Variants in MYO1B observed in about 807,000 individuals in gnomAD.
The protein encoded by MYO1B is unconventional myosin-Ib.
MYO1B carries 72 observed loss-of-function variants against 159.7 expected under a neutral mutation model. The observed-to-expected ratio is 0.45, with a 90% CI of 0.37 to 0.55. The LOEUF is 0.55. Ranked by LOEUF, MYO1B falls within the 20% of genes least tolerant of loss-of-function variation. The pLI, the probability that MYO1B is intolerant of heterozygous loss-of-function variation, is 0.00. For missense variants in MYO1B, 1,062 were observed against 1,364.8 expected, an observed-to-expected ratio of 0.78 and a Z score of 3.50; for synonymous variants, 468 against 473.8, an observed-to-expected ratio of 0.99 and a Z score of 0.16.
In MYO1B at chr2:191,393,104, G is replaced by A. The variant is rs765685451; in HGVS notation, c.2108G>A (p.Arg703His). ...AAATTAGAAGACCTGAGGAAGCAAC[G>A]CCTGGAGGACTTGGCCACTCTCATT... is the stretch of plus-strand genomic sequence containing the variant. ...LFKLEDLRKQ[R>H]LEDLATLIQK... is the part of the protein sequence containing the mutation. Residue 703 changes from arginine (R) to histidine (H), a missense_variant, in exon 20 of 31, where the codon CGC (arginine) becomes CAC (histidine). Coordinates refer to ENST00000392318, the MANE Select transcript of MYO1B (RefSeq NM_001130158.3). 13 of 1,613,534 alleles carry A rather than the reference G, an allele frequency of 8.1e-6. No homozygotes were observed. Among genetic ancestry groups the A allele is most frequent in the Middle Eastern group, 1.6e-4 (1 of 6,082 alleles).
chr2:191,325,881 A>G (rs1691028217), intron 3 of MYO1B, among the ~76,000 whole-genome samples: 1 of 152,096 alleles, frequency 6.6e-6, no homozygotes, highest in Non-Finnish European at 1.5e-5. Flanking sequence ...TAAAACCTAA[A>G]AGTGATAGAT....
At position 191,387,193 on chromosome 2, in the gene MYO1B, C is replaced by T. The variant is rs1306905299; in HGVS notation, c.1555-31C>T. ...GTTTGACATTATAGCATGCAATGTG[C>T]CTGTCATTGAGTTACATGTGCTGCT... On this transcript the variant is annotated intron_variant, in intron 16 of 30. Transcript: ENST00000392318. 3.8e-6 allele frequency: 6 copies of T among 1,582,594 alleles called. No individual in the cohort carries two copies. In the Admixed American group the frequency reaches 6.8e-5, roughly 18 times the overall value.
chr2:191,376,837 C>T (rs774340343), intron 13 of MYO1B, among the ~76,000 whole-genome samples: 1 of 152,028 alleles, frequency 6.6e-6, no homozygotes, highest in Non-Finnish European at 1.5e-5. Flanking sequence ...TTTAAAGAGC[C>T]TAAGAGTTTT....
At chr2:191,343,333 T>C (rs977623867) in intron 5 of MYO1B, among the ~76,000 whole-genome samples, 2 of 152,184 alleles carry the variant, frequency 1.3e-5, no homozygotes, top group African/African-American at 4.8e-5. Context: ...TTGTCGTTTG[T>C]ACTCAGGCTC....
intron 1 of MYO1B, among the ~76,000 whole-genome samples, chr2:191,250,371 A>G (rs1028219145): frequency 1.4e-4 from 21 of 152,156 alleles, no homozygotes; most frequent in Non-Finnish European, 4.4e-5. Context: ...ATGATATATA[A>G]ACTACCATTC....
chr2:191,334,198 G>T (rs1691678259), intron 4 of MYO1B, among the ~76,000 whole-genome samples: 6 of 151,142 alleles, frequency 4.0e-5, no homozygotes, highest in Admixed American at 1.3e-4. Context: ...TCATTGTTTT[G>T]ATGGGTCTTG....
chr2:191,340,621 G>A (rs1038897081), intron 4 of MYO1B, among the ~76,000 whole-genome samples: 3 of 152,136 alleles, frequency 2.0e-5, no homozygotes, highest in African/African-American at 7.2e-5. Flanking sequence ...TCTGGAAAAG[G>A]CTGCGTTTTT....
rs1270653765 is a variant in MYO1B at position 191,293,785 on chromosome 2, A to G, written c.136-2326A>G. 3.3e-5 allele frequency among the ~76,000 whole-genome samples: 5 copies of G among 152,276 alleles called. No homozygotes were observed. The East Asian group carries it at 7.7e-4, about 24-fold the overall frequency. Reference sequence around the variant, plus strand: ...CCTCCTACCTCATCCTGTGATGTAGAATGCATAATCATCTGGGAATGCAGC... The same window carrying G: ...CCTCCTACCTCATCCTGTGATGTAGGATGCATAATCATCTGGGAATGCAGC... On this transcript the variant is annotated intron_variant, in intron 2 of 30. Coordinates refer to ENST00000392318, the MANE Select transcript of MYO1B (RefSeq NM_001130158.3).
chr2:191,333,204 T>A (rs1320746000), intron 4 of MYO1B, among the ~76,000 whole-genome samples: 1 of 152,154 alleles, frequency 6.6e-6, no homozygotes, highest in Non-Finnish European at 1.5e-5. Flanking sequence ...TATTTTCCAG[T>A]AACGTTAATG....
chr2:191,362,386 T>G lies in MYO1B; in HGVS notation c.765+15T>G. On this transcript the variant is annotated intron_variant, in intron 9 of 30. Transcript: ENST00000392318. Reference sequence around the variant, plus strand: ...GAACCGTGCGGGTAAGATGTAGTACTTTCATCAAGCTTTAAATTGCATACC... The same window carrying G: ...GAACCGTGCGGGTAAGATGTAGTACGTTCATCAAGCTTTAAATTGCATACC... 6.2e-7 allele frequency: 1 copy of G among 1,601,842 alleles called. No individual in the cohort carries two copies. Among genetic ancestry groups the G allele is most frequent in the Non-Finnish European group, 8.5e-7 (1 of 1,170,104 alleles).
intron 3 of MYO1B, among the ~76,000 whole-genome samples, chr2:191,322,442 G>A (rs1690784167): frequency 6.6e-6 from 1 of 152,006 alleles, no homozygotes; most frequent in South Asian, 2.1e-4. Flanking sequence ...TCACTCTTTG[G>A]CCCAGTTCAC....
chr2:191,356,885 A>T (rs1693328506), intron 7 of MYO1B, among the ~76,000 whole-genome samples: 1 of 152,194 alleles, frequency 6.6e-6, no homozygotes, highest in African/African-American at 2.4e-5. Context: ...TGCGACTGAG[A>T]TGCTTTTTTC....
At chr2:191,421,475 CTT>C (rs201520033) in intron 30 of MYO1B, among the ~76,000 whole-genome samples, 1 of 152,072 alleles carries the variant, frequency 6.6e-6, no homozygotes, top group Non-Finnish European at 1.5e-5. Flanking sequence ...TACAAGTGGT[CTT>C]TTTTATTTAT....
At chr2:191,329,529 C>T (rs541235751) in intron 3 of MYO1B, among the ~76,000 whole-genome samples, 126 of 150,530 alleles carry the variant, frequency 8.4e-4, no homozygotes, top group African/African-American at 3.0e-3. Flanking sequence ...TCTGAGTTAC[C>T]TGGATTTTAG....
At chr2:191,416,430 A>C in intron 30 of MYO1B, 188 bp downstream of exon 30, 1 of 637,306 alleles carries the variant, frequency 1.6e-6, no homozygotes, top group Non-Finnish European at 2.8e-6. Flanking sequence ...CTGACATCCT[A>C]GTGGAAGAGA....
Position 191,247,124 on chromosome 2 carries a change from TTC to T in MYO1B, c.-10+1499_-10+1500del, listed in dbSNP as rs1469642604. ...GGGAGGAGGCTGACATTTCCAGGCA[TTC>T]ATGGTTTGTGCCTGTGGGACACTGG... is the stretch of plus-strand genomic sequence containing the variant. On this transcript the variant is annotated intron_variant, in intron 1 of 30. Transcript: ENST00000392318. 3.3e-5 allele frequency among the ~76,000 whole-genome samples: 5 copies of T among 152,244 alleles called. No homozygotes were observed. The East Asian group carries it at 5.8e-4, about 18-fold the overall frequency.
At chr2:191,276,066 T>C (rs1687733961) in intron 1 of MYO1B, among the ~76,000 whole-genome samples, 1 of 152,188 alleles carries the variant, frequency 6.6e-6, no homozygotes, top group South Asian at 2.1e-4. Context: ...AGGGAAACTG[T>C]AGTATTTCTG....
chr2:191,334,067 T>C (rs1267757260), intron 4 of MYO1B, among the ~76,000 whole-genome samples: 1 of 152,124 alleles, frequency 6.6e-6, no homozygotes, highest in African/African-American at 2.4e-5. Context: ...CTAAGCCTCT[T>C]TCATTCTTAC....
At chr2:191,323,892 T>G (rs1370763352) in intron 3 of MYO1B, among the ~76,000 whole-genome samples, 4 of 152,130 alleles carry the variant, frequency 2.6e-5, no homozygotes, top group Admixed American at 6.6e-5. Context: ...ATTAGAAAAT[T>G]ACATGTTGAT....
Sources: allele counts gnomAD v4.1 joint callset (sites outside exome capture counted in the v4.1 genomes callset), GRCh38; gene constraint gnomAD v4.1.1; transcripts MANE v1.5; gene names NCBI Gene and HGNC (gene_info 2026-07-23, HGNC 2026-07-21).